The following FKBP11 variants were observed in gnomAD, a reference collection of about 807,000 sequenced individuals.
FKBP11 encodes peptidyl-prolyl cis-trans isomerase FKBP11.
A neutral mutation model predicts 24.7 loss-of-function variants in FKBP11; 21 were observed. That is an observed-to-expected ratio of 0.85 (90% CI 0.60 to 1.23). The LOEUF is 1.23. Among genes scored for constraint, FKBP11 ranks in the 50% most tolerant of loss-of-function variants. FKBP11 has a pLI of 0.00. For missense variants in FKBP11, 245 were observed against 248.7 expected (o/e 0.99, Z 0.10); for synonymous variants, 106 against 100.6 (o/e 1.05, Z -0.32).
At chr12:48,925,507 G>T, upstream of FKBP11, 1 of 1,488,974 alleles carries the variant, frequency 6.7e-7, no homozygotes. Context: ...TTCCCGCGGC[G>T]CCCAGGCCAG....
At chr12:48,932,515 T>C in the FKBP11 span, among the ~76,000 whole-genome samples, 1 of 151,850 alleles carries the variant, frequency 6.6e-6, no homozygotes, top group South Asian at 2.1e-4. Flanking sequence ...ACTTACTTAC[T>C]TCCTCCACTC....
chr12:48,933,815 C>T, the FKBP11 span, among the ~76,000 whole-genome samples: 18 of 151,634 alleles, frequency 1.2e-4, no homozygotes, highest in South Asian at 6.3e-4. Flanking sequence ...TACAGTGAGC[C>T]GAGATCACGC....
intron 5 of FKBP11, chr12:48,923,038 C>T: frequency 1.3e-6 from 1 of 753,660 alleles, no homozygotes; most frequent in Non-Finnish European, 1.9e-6. Context: ...ATCCCAGCTA[C>T]TCGGGAGGCT....
At chr12:48,935,018 CAAAAAAAA>C in the FKBP11 span, among the ~76,000 whole-genome samples, 2 of 87,534 alleles carry the variant, frequency 2.3e-5, no homozygotes, top group Admixed American at 1.4e-4. Context: ...AATTCCGTCT[CAAAAAAAA>C]AAAAAAAAAA....
chr12:48,924,048 A>ATGTTGCGCTGTT (rs1939897193), intron 4 of FKBP11, 175 bp downstream of exon 4: 2 of 885,684 alleles, frequency 2.3e-6, no homozygotes, highest in Admixed American at 3.9e-5. Context: ...CAAAAGCAAC[A>ATGTTGCGCTGTT]GCGCAAGAGG....
intron 4 of FKBP11, 104 bp downstream of exon 4, chr12:48,924,118 AG>A: frequency 7.4e-7 from 1 of 1,350,030 alleles, no homozygotes; most frequent in East Asian, 2.3e-5. Context: ...AGTGGGAAGC[AG>A]GGTCCTTTAT....
upstream of FKBP11, chr12:48,931,472 A>T (rs776718159): frequency 1.3e-6 from 2 of 1,535,844 alleles, no homozygotes; most frequent in African/African-American, 2.7e-5. Context: ...CCTTGGATCA[A>T]GTTAGAAGAA....
the FKBP11 span, among the ~76,000 whole-genome samples, chr12:48,933,458 T>C: frequency 6.6e-6 from 1 of 152,112 alleles, no homozygotes; most frequent in Non-Finnish European, 1.5e-5. Context: ...TCCCAGTGCT[T>C]TGGGAGGCCA....
At chr12:48,930,903 C>T (rs200500464), upstream of FKBP11, among the ~76,000 whole-genome samples, 1 of 151,792 alleles carries the variant, frequency 6.6e-6, no homozygotes, top group African/African-American at 2.4e-5. Flanking sequence ...CCGAGGCGGG[C>T]GGATCACGAG....
upstream of FKBP11, among the ~76,000 whole-genome samples, chr12:48,927,872 T>C (rs1231048992): frequency 1.3e-5 from 2 of 152,046 alleles, no homozygotes; most frequent in Non-Finnish European, 2.9e-5. Context: ...CAGCTCTGGA[T>C]TGCCTACCAC....
upstream of FKBP11, chr12:48,925,721 T>A (rs926891527): frequency 2.3e-5 from 10 of 443,310 alleles, no homozygotes; most frequent in African/African-American, 2.0e-4. Flanking sequence ...CATTTACGAT[T>A]ACCTACTGTG....
chr12:48,923,457 G>A (rs1394752409), intron 5 of FKBP11: 1 of 1,548,250 alleles, frequency 6.5e-7, no homozygotes, highest in East Asian at 2.4e-5. Context: ...GCGTAGAGTT[G>A]TAGAAAAGGG....
intron 5 of FKBP11, 116 bp downstream of exon 5, chr12:48,923,666 C>T (rs371378168): frequency 5.1e-6 from 8 of 1,581,772 alleles, no homozygotes; most frequent in Middle Eastern, 1.7e-4. Flanking sequence ...CCACTCCTAT[C>T]TGTCTAAACA....
chr12:48,937,137 A>G, the FKBP11 span: 2 of 152,380 alleles, frequency 1.3e-5, no homozygotes, highest in African/African-American at 4.8e-5. Flanking sequence ...ACTGAGGGAG[A>G]TACCCCTGGA....
intron 5 of FKBP11, chr12:48,922,959 G>A (rs10875895): frequency 0.35 from 296,559 of 845,498 alleles, 55,056 homozygotes; most frequent in Admixed American, 0.48. Context: ...GACCAGCCTG[G>A]CCAACATGGA....
chr12:48,937,109 C>G, the FKBP11 span: 1 of 152,596 alleles, frequency 6.6e-6, no homozygotes, highest in Admixed American at 6.5e-5. Context: ...CTGGGTAACA[C>G]ATCACTAAGT....
chr12:48,937,925 A>G, the FKBP11 span: 1 of 162,060 alleles, frequency 6.2e-6, no homozygotes, highest in Non-Finnish European at 1.4e-5. Context: ...TCCTAATAAC[A>G]AAAGAGAATG....
At chr12:48,927,803 C>T (rs139889236), upstream of FKBP11, among the ~76,000 whole-genome samples, 13 of 152,230 alleles carry the variant, frequency 8.5e-5, no homozygotes, top group East Asian at 1.5e-3. Flanking sequence ...GGAAGCTGCA[C>T]GCTAGGATGG....
chr12:48,926,154 T>A (rs1000168715), upstream of FKBP11: 2 of 152,234 alleles, frequency 1.3e-5, no homozygotes, highest in Middle Eastern at 6.8e-3. Context: ...GGTGCTACTA[T>A]TTCCTTTCTC....
Sources: allele counts gnomAD v4.1 joint callset (sites outside exome capture counted in the v4.1 genomes callset), GRCh38; gene constraint gnomAD v4.1.1; transcripts MANE v1.5; gene names NCBI Gene and HGNC (gene_info 2026-07-23, HGNC 2026-07-21).